PCIF1: variants seen among roughly 807,000 people sequenced by gnomAD.
The protein encoded by PCIF1 is mRNA (2'-O-methyladenosine-N(6)-)-methyltransferase.
In PCIF1, 12 loss-of-function variants were observed where a neutral mutation model predicts 86.9. The ratio of observed to expected loss-of-function variants is 0.14; its 90% CI spans 0.09 to 0.22. The LOEUF (loss-of-function observed/expected upper bound fraction) is 0.22, where lower values mean the gene tolerates loss of function less well. PCIF1 is among the 10% of genes least tolerant of loss of function. The pLI, the probability that PCIF1 is intolerant of heterozygous loss-of-function variation, is 1.00. For synonymous variants in PCIF1, 397 were observed against 372.0 expected, an observed-to-expected ratio of 1.07 and a Z score of -0.77; for missense variants, 701 against 951.1, an observed-to-expected ratio of 0.74 and a Z score of 3.46.
intron 2 of PCIF1, chr20:45,937,987 T>G (rs2083440450): frequency 6.3e-6 from 1 of 159,156 alleles, no homozygotes; most frequent in Non-Finnish European, 1.4e-5. Context: ...TGTTTAAGCC[T>G]GCCTTTGTGG....
In PCIF1 at chr20:45,943,792, C is replaced by T. The variant is rs1174493460; in HGVS notation, c.1005+27C>T. Reference sequence around the variant, plus strand: ...TGAGTGGGTCCCCGGGTGAGAAGGCCAGTTTTAGGGCTCTGTGGCCACTTC... The same window carrying T: ...TGAGTGGGTCCCCGGGTGAGAAGGCTAGTTTTAGGGCTCTGTGGCCACTTC... On this transcript the variant is annotated intron_variant, in intron 10 of 16. Coordinates refer to ENST00000372409, the MANE Select transcript of PCIF1 (RefSeq NM_022104.4). The surrounding 1 kb of genome is among the most constrained non-coding windows in gnomAD (Gnocchi z 5.5). The T allele has an allele frequency of 2.6e-6, 4 of 1,536,854 alleles. No individual in the cohort carries two copies. The highest frequency in any genetic ancestry group is 1.4e-5 in the African/African-American group (1 of 72,880).
At chr20:45,936,341 ATTTTTTTTTT>A (rs746165752) in intron 1 of PCIF1, among the ~76,000 whole-genome samples, 2 of 109,732 alleles carry the variant, frequency 1.8e-5, no homozygotes, top group South Asian at 6.1e-4. Context: ...CGCCGGGCTA[ATTTTTTTTTT>A]TTTTTTTTTT....
In PCIF1 at chr20:45,939,129, G is replaced by T. The variant is rs1453816354; in HGVS notation, c.124+6G>T. The T allele has an allele frequency of 4.3e-6, 7 of 1,614,002 alleles. No homozygotes were observed. The highest frequency in any genetic ancestry group is 5.9e-6 in the Non-Finnish European group (7 of 1,180,022). On this transcript the variant is annotated splice_donor_region_variant and intron_variant, in intron 3 of 16. Transcript: ENST00000372409. Reference sequence around the variant, plus strand: ...CCTGGTTCAGGACCTCCCAGGTACTGAGGGGGAGCAGTAGTGGGGTGGTGG... The same window carrying T: ...CCTGGTTCAGGACCTCCCAGGTACTTAGGGGGAGCAGTAGTGGGGTGGTGG...
Position 45,941,216 on chromosome 20 carries a change from C to T in PCIF1, c.673+9C>T. 16 of 1,588,122 alleles carry T rather than the reference C, an allele frequency of 1.0e-5. No homozygotes were observed. Among genetic ancestry groups the T allele is most frequent in the South Asian group, 3.4e-5 (3 of 87,316 alleles). ...GTGCCAGCAGCGAGAGGGTACCTGC[C>T]TCTGGGCTGCAGCCTCCTTTATTTC... On this transcript the variant is annotated intron_variant, in intron 7 of 16. Coordinates refer to ENST00000372409, the MANE Select transcript of PCIF1 (RefSeq NM_022104.4).
Position 45,946,011 on chromosome 20 carries a change from C to G in PCIF1, c.1342-18C>G, listed in dbSNP as rs768755289. ...GGGAGCACTGCTGAAGGCTCCTCCTCTCTGTCCCGCTCCACAGTGGCTCCT... is the reference window on the plus strand; with the variant it reads ...GGGAGCACTGCTGAAGGCTCCTCCTGTCTGTCCCGCTCCACAGTGGCTCCT... On this transcript the variant is annotated intron_variant, in intron 12 of 16. Transcript: ENST00000372409. 1.3e-5 allele frequency: 21 copies of G among 1,613,942 alleles called. No homozygotes were observed. Among genetic ancestry groups the G allele is most frequent in the Non-Finnish European group, 1.8e-5 (21 of 1,179,940 alleles).
At position 45,939,047 on chromosome 20, in the gene PCIF1, G is replaced by A. The variant is rs756075608; in HGVS notation, c.48G>A (p.Leu16=). Residue 16 remains leucine, a synonymous_variant, in exon 3 of 17, where the codon CTG becomes CTA. Transcript: ENST00000372409. The part of the protein sequence containing the change: ...HGSPREEASL[L]SHSPGTSNQS... Reference sequence around the variant, plus strand: ...GCCCCCGGGAGGAAGCGTCCCTGCTGAGTCACTCCCCAGGTACCTCCAATC... The same window carrying A: ...GCCCCCGGGAGGAAGCGTCCCTGCTAAGTCACTCCCCAGGTACCTCCAATC... 6.2e-7 allele frequency: 1 copy of A among 1,613,830 alleles called. No homozygotes were observed. The highest frequency in any genetic ancestry group is 1.3e-5 in the African/African-American group (1 of 74,836).
In PCIF1 at chr20:45,947,041, A is replaced by G; in HGVS notation, c.1614-32A>G. ...TTTCTGGTTGAGGGACTGGGTCCTG[A>G]TGGGACTTAGAATGCTCACTCCTGT... On this transcript the variant is annotated intron_variant, in intron 14 of 16. Coordinates refer to ENST00000372409, the MANE Select transcript of PCIF1 (RefSeq NM_022104.4). This position sits in a 1 kb window ranked among gnomAD's most constrained non-coding sequence, Gnocchi z 5.4. 1 of 1,564,502 alleles carries G rather than the reference A, an allele frequency of 6.4e-7. No individual in the cohort carries two copies. The highest frequency in any genetic ancestry group is 8.7e-7 in the Non-Finnish European group (1 of 1,143,968).
intron 2 of PCIF1, among the ~76,000 whole-genome samples, chr20:45,938,607 C>T (rs1039745783): frequency 6.6e-6 from 1 of 152,168 alleles, no homozygotes; most frequent in African/African-American, 2.4e-5. Flanking sequence ...AGTGGGGAGA[C>T]AAACCCAGCT....
At chr20:45,945,686 C>G (rs199694498) in intron 11 of PCIF1, 25 bp from the exon 12 acceptor site, 2 of 1,606,796 alleles carry the variant, frequency 1.2e-6, no homozygotes, top group Non-Finnish European at 1.7e-6. Flanking sequence ...GGAGTGTGGT[C>G]CCTCACTGCT....
chr20:45,935,083 G>A (rs2145856316), intron 1 of PCIF1, among the ~76,000 whole-genome samples: 1 of 151,756 alleles, frequency 6.6e-6, no homozygotes, highest in East Asian at 2.0e-4. Flanking sequence ...AGTCGCCTCA[G>A]CCCGGGGGCG....
At chr20:45,942,071 G>A (rs2055411057) in intron 7 of PCIF1, among the ~76,000 whole-genome samples, 1 of 150,712 alleles carries the variant, frequency 6.6e-6, no homozygotes, top group Non-Finnish European at 1.5e-5. Context: ...CACCTCCCGG[G>A]TTCAAGCGAT....
intron 11 of PCIF1, 98 bp from the exon 12 acceptor site, chr20:45,945,613 G>A (rs1245455561): frequency 2.1e-6 from 3 of 1,422,190 alleles, no homozygotes; most frequent in Non-Finnish European, 2.9e-6. Context: ...CTGATCTGTG[G>A]AATGGGACTT....
chr20:45,944,758 C>A, intron 10 of PCIF1, 110 bp from the exon 11 acceptor site: 1 of 1,184,546 alleles, frequency 8.4e-7, no homozygotes, highest in Non-Finnish European at 1.2e-6. Context: ...AGCAGCAGAG[C>A]TGGTTTCAAA....
At position 45,943,004 on chromosome 20, in the gene PCIF1, T is replaced by A; in HGVS notation, c.674-93T>A. ...CTTCTGAAGTGGGACTGTGTCTTGCTTACTGCTGAATGCGATGCTTCCTAT... is the reference window on the plus strand; with the variant it reads ...CTTCTGAAGTGGGACTGTGTCTTGCATACTGCTGAATGCGATGCTTCCTAT... On this transcript the variant is annotated intron_variant, in intron 7 of 16. Coordinates refer to ENST00000372409, the MANE Select transcript of PCIF1 (RefSeq NM_022104.4). The surrounding 1 kb of genome is among the most constrained non-coding windows in gnomAD (Gnocchi z 5.5). 2 of 1,322,480 alleles carry A rather than the reference T, an allele frequency of 1.5e-6. No individual in the cohort carries two copies. The highest frequency in any genetic ancestry group is 2.1e-6 in the Non-Finnish European group (2 of 961,904). 81.9% of individuals were successfully genotyped at this position (1,322,480 alleles called of 1,614,324 possible).
chr20:45,935,307 A>G (rs2083413235), intron 1 of PCIF1, among the ~76,000 whole-genome samples: 1 of 151,944 alleles, frequency 6.6e-6, no homozygotes, highest in African/African-American at 2.4e-5. Flanking sequence ...TGATTGGTAC[A>G]TTGCGGAGAT....
intron 7 of PCIF1, among the ~76,000 whole-genome samples, chr20:45,941,824 C>G (rs6094229): frequency 0.15 from 22,624 of 151,250 alleles, 1,950 homozygotes; most frequent in East Asian, 0.33. Flanking sequence ...TGGGCTCAAG[C>G]CTTCTGCTTG....
At chr20:45,945,479 A>T (rs573571066) in intron 11 of PCIF1, among the ~76,000 whole-genome samples, 1 of 152,356 alleles carries the variant, frequency 6.6e-6, no homozygotes, top group Non-Finnish European at 1.5e-5. Context: ...GGCACGGCAT[A>T]CGGGGCCCTG....
At chr20:45,935,015 C>T (rs1277675053) in intron 1 of PCIF1, among the ~76,000 whole-genome samples, 3 of 151,988 alleles carry the variant, frequency 2.0e-5, no homozygotes, top group Non-Finnish European at 4.4e-5. Flanking sequence ...GCGGAGCGGG[C>T]TCTAGGGCCC....
chr20:45,947,189 A>T lies in PCIF1; in HGVS notation c.1707+23A>T. ...GAGGTGGGTGCACTGCCAGGGTGAG[A>T]GGTGGGCAACAGGCAGGATTGCCAG... On this transcript the variant is annotated intron_variant, in intron 15 of 16. Coordinates refer to ENST00000372409, the MANE Select transcript of PCIF1 (RefSeq NM_022104.4). This position sits in a 1 kb window ranked among gnomAD's most constrained non-coding sequence, Gnocchi z 5.4. The T allele has an allele frequency of 6.2e-7, 1 of 1,605,952 alleles. No homozygotes were observed. The highest frequency in any genetic ancestry group is 8.5e-7 in the Non-Finnish European group (1 of 1,173,758).
Sources: gnomAD v4.1 joint callset for allele counts (sites outside exome capture counted in the v4.1 genomes callset) on GRCh38, gnomAD v4.1.1 for gene constraint, Gnocchi (gnomAD v3.1) non-coding constraint, MANE v1.5 for transcripts, NCBI Gene and HGNC (gene_info 2026-07-23, HGNC 2026-07-21) for gene names.